SORCS2: variants seen among roughly 807,000 people sequenced by gnomAD.
The protein encoded by SORCS2 is VPS10 domain-containing receptor SorCS2.
SORCS2 carries 100 observed loss-of-function variants against 141.6 expected under a neutral mutation model. That is an observed-to-expected ratio of 0.71 (90% CI 0.60 to 0.83). The LOEUF (loss-of-function observed/expected upper bound fraction) is 0.83. Among genes scored for constraint, SORCS2 ranks in the 40% least tolerant of loss-of-function variants. The probability of loss-of-function intolerance (pLI) is 0.00; values close to 1 mark genes in which losing one functional copy is unlikely to be tolerated. For synonymous variants in SORCS2, 789 were observed against 676.9 expected (o/e 1.17, Z -2.57); for missense variants, 1,646 against 1,560.2 (o/e 1.05, Z -0.93).
chr4:7,687,826 C>T (rs1723970702), intron 10 of SORCS2, among the ~76,000 whole-genome samples: 1 of 152,178 alleles, frequency 6.6e-6, no homozygotes, highest in Admixed American at 6.5e-5. Flanking sequence ...CCTTTTAGGA[C>T]ATTTTCACCA....
chr4:7,570,673 C>T (rs1416705278), intron 3 of SORCS2, among the ~76,000 whole-genome samples: 1 of 152,144 alleles, frequency 6.6e-6, no homozygotes, highest in Non-Finnish European at 1.5e-5. Context: ...AAGTGGCTTC[C>T]TGGTTCTGCT....
At chr4:7,216,103 C>T (rs1026851185) in intron 1 of SORCS2, among the ~76,000 whole-genome samples, 1 of 152,226 alleles carries the variant, frequency 6.6e-6, no homozygotes, top group Non-Finnish European at 1.5e-5. Flanking sequence ...AGCTTCACTC[C>T]TGAAGCCAGA....
intron 8 of SORCS2, among the ~76,000 whole-genome samples, chr4:7,675,459 A>G (rs1038383734): frequency 2.0e-5 from 3 of 152,238 alleles, no homozygotes; most frequent in Non-Finnish European, 2.9e-5. Context: ...TCCCCAGACA[A>G]TGAAGCTTGA....
In SORCS2 at chr4:7,567,000, C is replaced by T. The variant is rs189258297; in HGVS notation, c.648+35371C>T. ...GTATTGGGTGAGTGCTCTCTGTCACCCAGTTAGGAAGGACCTGAACTTAGA... is the reference window on the plus strand; with the variant it reads ...GTATTGGGTGAGTGCTCTCTGTCACTCAGTTAGGAAGGACCTGAACTTAGA... On this transcript the variant is annotated intron_variant, in intron 3 of 26. Coordinates refer to ENST00000507866, the MANE Select transcript of SORCS2 (RefSeq NM_020777.3). Among the ~76,000 whole-genome samples, 197 of 152,342 alleles carry T rather than the reference C, an allele frequency of 1.3e-3. 1 individual carries two copies. Among genetic ancestry groups the T allele is most frequent in the African/African-American group, 3.7e-3 (152 of 41,580 alleles).
intron 19 of SORCS2, among the ~76,000 whole-genome samples, chr4:7,724,910 T>TGGTGAGGATGGTGA (rs1560115059): frequency 0.12 from 3,147 of 27,062 alleles, 360 homozygotes; most frequent in South Asian, 0.14. Flanking sequence ...GGTGATAGTA[T>TGGTGAGGATGGTGA]TGGTGGGAAT....
At chr4:7,424,459 C>CA (rs1201519707) in intron 2 of SORCS2, among the ~76,000 whole-genome samples, 1 of 152,200 alleles carries the variant, frequency 6.6e-6, no homozygotes, top group Non-Finnish European at 1.5e-5. Context: ...CTGTGCCCAG[C>CA]CCCTTGGCTA....
intron 3 of SORCS2, among the ~76,000 whole-genome samples, chr4:7,555,684 T>C (rs1354058246): frequency 3.9e-5 from 6 of 152,182 alleles, no homozygotes; most frequent in Non-Finnish European, 7.3e-5. Flanking sequence ...GTAAAGGAAA[T>C]GTGCAAAGTG....
rs938681771 is a variant in SORCS2, at chr4:7,460,867, C to T, written c.548+64512C>T. On this transcript the variant is annotated intron_variant, in intron 2 of 26. Coordinates refer to ENST00000507866, the MANE Select transcript of SORCS2 (RefSeq NM_020777.3). ...CACAGTCGCCTCCTGAAGCCTGGGC[C>T]GTGCATCGGCTACACACGGCCAAGC... Among the ~76,000 whole-genome samples, 8 of 152,244 alleles carry T rather than the reference C, an allele frequency of 5.3e-5. No homozygotes were observed. In the East Asian group the frequency reaches 1.2e-3, roughly 22 times the overall value.
intron 12 of SORCS2, among the ~76,000 whole-genome samples, chr4:7,698,319 C>T (rs867635673): frequency 3.9e-5 from 6 of 152,240 alleles, no homozygotes; most frequent in Admixed American, 6.5e-5. Context: ...GGCCCCCCTC[C>T]CACACAGCAA....
At chr4:7,464,518 A>G (rs1481034745) in intron 2 of SORCS2, among the ~76,000 whole-genome samples, 2 of 152,074 alleles carry the variant, frequency 1.3e-5, no homozygotes, top group East Asian at 1.9e-4. Flanking sequence ...CCCCGAGGGG[A>G]AGTGTGCTGC....
chr4:7,367,155 C>G (rs1173940185), intron 1 of SORCS2, among the ~76,000 whole-genome samples: 1 of 152,204 alleles, frequency 6.6e-6, no homozygotes, highest in African/African-American at 2.4e-5. Context: ...GCTGCATTAA[C>G]AGAAGTATAG....
At chr4:7,283,731 T>C (rs1050247227) in intron 1 of SORCS2, among the ~76,000 whole-genome samples, 18 of 151,900 alleles carry the variant, frequency 1.2e-4, no homozygotes, top group Non-Finnish European at 2.2e-4. Flanking sequence ...CCACCAAACA[T>C]AGGTGGGGCC....
rs1419319534 is a variant in SORCS2 at position 7,511,461 on chromosome 4, TAC to T, written c.549-20061_549-20060del. On this transcript the variant is annotated intron_variant, in intron 2 of 26. Transcript: ENST00000507866. The stretch of plus-strand genomic sequence containing the variant: ...GGAGACACACACACACACACACAGA[TAC>T]ACACACAACTTGGGGGAGGGGGGGT... 3.4e-4 allele frequency among the ~76,000 whole-genome samples: 28 copies of T among 81,756 alleles called. No individual in the cohort carries two copies. The East Asian group carries it at 0.015, about 44-fold the overall frequency. 53.6% of individuals were successfully genotyped at this position (81,756 alleles called of 152,430 possible). A position where few individuals can be genotyped will look rare whatever the true frequency, so the allele number is the denominator to read the frequency against.
Position 7,689,752 on chromosome 4 carries a change from C to T in SORCS2, c.1591+164C>T, listed in dbSNP as rs139985463. ...GAAGCTCAGCTCTCATGGCAAATTC[C>T]GAGAAATGAATGCATGGCCCAGGGT... On this transcript the variant is annotated intron_variant, in intron 11 of 26. Coordinates refer to ENST00000507866, the MANE Select transcript of SORCS2 (RefSeq NM_020777.3). 8.7e-3 allele frequency among the ~76,000 whole-genome samples: 1,332 copies of T among 152,316 alleles called. 21 individuals carry two copies. Among genetic ancestry groups the T allele is most frequent in the African/African-American group, 0.031 (1,278 of 41,566 alleles).
intron 1 of SORCS2, among the ~76,000 whole-genome samples, chr4:7,393,896 G>A (rs1283732623): frequency 1.3e-5 from 2 of 152,154 alleles, no homozygotes; most frequent in Admixed American, 1.3e-4. Context: ...GTGGAACCCG[G>A]GTGGTCTGAC....
chr4:7,476,065 ACC>A (rs1269808861), intron 2 of SORCS2, among the ~76,000 whole-genome samples: 2 of 152,140 alleles, frequency 1.3e-5, no homozygotes, highest in African/African-American at 4.8e-5. Flanking sequence ...GCTGGCCTAT[ACC>A]CAGGCGCTTC....
At chr4:7,629,759 C>A (rs1245470593) in intron 3 of SORCS2, among the ~76,000 whole-genome samples, 1 of 151,914 alleles carries the variant, frequency 6.6e-6, no homozygotes, top group African/African-American at 2.4e-5. Context: ...ATATATCAAA[C>A]CCCACCCTCC....
chr4:7,372,322 T>A (rs1722309727), intron 1 of SORCS2, among the ~76,000 whole-genome samples: 3 of 152,202 alleles, frequency 2.0e-5, no homozygotes, highest in African/African-American at 7.2e-5. Flanking sequence ...GTTTGTTTGT[T>A]TGAGACAGAG....
chr4:7,554,729 C>G (rs567880187), intron 3 of SORCS2, among the ~76,000 whole-genome samples: 2 of 152,122 alleles, frequency 1.3e-5, no homozygotes, highest in African/African-American at 2.4e-5. Flanking sequence ...TAGAGCACAG[C>G]GGGAGCCCCG....
Sources: allele counts gnomAD v4.1 joint callset (sites outside exome capture counted in the v4.1 genomes callset), GRCh38; gene constraint gnomAD v4.1.1; transcripts MANE v1.5; gene names NCBI Gene and HGNC (gene_info 2026-07-23, HGNC 2026-07-21).